COPB1: variants seen among roughly 807,000 people sequenced by gnomAD.
The protein encoded by COPB1 is coatomer subunit beta.
A neutral mutation model predicts 108.7 loss-of-function variants in COPB1; 21 were observed. That is an observed-to-expected ratio of 0.19 (90% CI 0.14 to 0.28). The LOEUF (loss-of-function observed/expected upper bound fraction) is 0.28, where lower values mean the gene tolerates loss of function less well. Among genes scored for constraint, COPB1 ranks in the 10% least tolerant of loss-of-function variants. COPB1 has a pLI of 1.00. For missense variants in COPB1, 919 were observed against 1,141.3 expected (o/e 0.81, Z 2.81); for synonymous variants, 378 against 386.8 (o/e 0.98, Z 0.27).
intron 14 of COPB1, among the ~76,000 whole-genome samples, chr11:14,471,158 A>G (rs551459659): frequency 1.3e-5 from 2 of 152,344 alleles, no homozygotes; most frequent in East Asian, 1.9e-4. Flanking sequence ...AATCTGCACT[A>G]TAAGAAAAGT....
At chr11:14,479,475 C>G in intron 11 of COPB1, 94 bp downstream of exon 11, 1 of 1,235,198 alleles carries the variant, frequency 8.1e-7, no homozygotes, top group South Asian at 1.8e-5. Flanking sequence ...GCTTGATTGT[C>G]CTCTCCATTC....
chr11:14,459,960 T>C (rs973029635), intron 20 of COPB1: 13 of 319,980 alleles, frequency 4.1e-5, no homozygotes, highest in African/African-American at 1.5e-4. Context: ...GGGGAGAAGA[T>C]TGAAAAGAAA....
At chr11:14,461,135 G>C in intron 19 of COPB1, 51 bp downstream of exon 19, 1 of 1,610,446 alleles carries the variant, frequency 6.2e-7, no homozygotes, top group African/African-American at 1.3e-5. Context: ...CTCAACAGCA[G>C]GCAAAAGGAA....
chr11:14,491,599 G>C (rs978966779), intron 4 of COPB1, among the ~76,000 whole-genome samples: 1 of 151,388 alleles, frequency 6.6e-6, no homozygotes, highest in Non-Finnish European at 1.5e-5. Flanking sequence ...AACCTGGGAG[G>C]TGGAGGCTGC....
chr11:14,474,150 C>A (rs997084539), intron 14 of COPB1: 4 of 172,592 alleles, frequency 2.3e-5, no homozygotes, highest in Admixed American at 2.3e-4. Context: ...CAGACAATGA[C>A]CGAATGGATG....
Position 14,486,300 on chromosome 11 carries a change from A to T in COPB1, c.837+67T>A, listed in dbSNP as rs1266567468. 10 of 1,568,944 alleles carry T rather than the reference A, an allele frequency of 6.4e-6. No individual in the cohort carries two copies. The East Asian group carries it at 2.2e-4, about 35-fold the overall frequency. ...TAACCACATAGTGAATTGAAATGTC[A>T]CTAAATCATGAGTGCTAAGACAGAA... is the stretch of plus-strand genomic sequence containing the variant. On this transcript the variant is annotated intron_variant, in intron 7 of 21. Coordinates refer to ENST00000439561, the MANE Select transcript of COPB1 (RefSeq NM_001144061.2).
At chr11:14,458,395 C>A in intron 21 of COPB1, 137 bp downstream of exon 21, 1 of 809,292 alleles carries the variant, frequency 1.2e-6, no homozygotes, top group African/African-American at 1.8e-5. Flanking sequence ...AGTTATACTT[C>A]TATTCAGAGT....
intron 4 of COPB1, 117 bp from the exon 5 acceptor site, chr11:14,490,796 T>G: frequency 1.7e-6 from 1 of 598,000 alleles, no homozygotes; most frequent in South Asian, 2.4e-5. Context: ...CTTTTGCTTT[T>G]TTTTTTTTTT....
At chr11:14,464,763 G>A (rs925206554) in intron 18 of COPB1, 148 bp downstream of exon 18, 4 of 861,702 alleles carry the variant, frequency 4.6e-6, no homozygotes, top group Non-Finnish European at 6.8e-6. Context: ...CCAGAACATA[G>A]TTCAATGCGT....
intron 14 of COPB1, among the ~76,000 whole-genome samples, chr11:14,473,643 C>G (rs1214847551): frequency 6.6e-6 from 1 of 151,714 alleles, no homozygotes; most frequent in Non-Finnish European, 1.5e-5. Context: ...CCTGGCATCC[C>G]AAAACAACTA....
chr11:14,491,746 G>A (rs538430030), intron 4 of COPB1, among the ~76,000 whole-genome samples: 6 of 151,204 alleles, frequency 4.0e-5, no homozygotes, highest in South Asian at 2.1e-4. Flanking sequence ...CAAATTATAC[G>A]TTTTCTAGTT....
intron 14 of COPB1, among the ~76,000 whole-genome samples, chr11:14,473,571 G>A (rs975562720): frequency 6.1e-5 from 7 of 115,424 alleles, no homozygotes; most frequent in African/African-American, 3.4e-5. Context: ...AAGAGACGGG[G>A]TAACAGCCGG....
At chr11:14,493,053 G>A (rs886456173) in intron 4 of COPB1, among the ~76,000 whole-genome samples, 1 of 152,196 alleles carries the variant, frequency 6.6e-6, no homozygotes, top group Non-Finnish European at 1.5e-5. Context: ...GGCTGAGGCA[G>A]GAGAATCACT....
chr11:14,479,306 T>C (rs1025223463), intron 11 of COPB1, among the ~76,000 whole-genome samples: 1 of 152,330 alleles, frequency 6.6e-6, no homozygotes, highest in East Asian at 1.9e-4. Context: ...TTTAAAAATA[T>C]GCTCTTTAGT....
intron 2 of COPB1, 46 bp downstream of exon 2, chr11:14,498,792 G>C: frequency 2.1e-6 from 3 of 1,455,468 alleles, no homozygotes; most frequent in Non-Finnish European, 2.8e-6. Flanking sequence ...TTTTATTTTT[G>C]TTTTTTCTTT....
At chr11:14,467,222 G>A (rs918690979) in intron 16 of COPB1, among the ~76,000 whole-genome samples, 2 of 151,748 alleles carry the variant, frequency 1.3e-5, no homozygotes, top group African/African-American at 4.8e-5. Context: ...TTAAAAATAG[G>A]CACAGGACTT....
At chr11:14,484,456 A>C (rs1850726707) in intron 7 of COPB1, among the ~76,000 whole-genome samples, 1 of 152,246 alleles carries the variant, frequency 6.6e-6, no homozygotes, top group African/African-American at 2.4e-5. Flanking sequence ...ATGGTGGCTC[A>C]TGCCTATAAT....
At chr11:14,471,177 A>AT (rs1419747673) in intron 14 of COPB1, among the ~76,000 whole-genome samples, 2 of 152,238 alleles carry the variant, frequency 1.3e-5, no homozygotes, top group Non-Finnish European at 2.9e-5. Context: ...GTTAAAGCAA[A>AT]TTCTTTAGGC....
At chr11:14,464,386 T>C (rs1178167130) in intron 18 of COPB1, among the ~76,000 whole-genome samples, 1 of 152,216 alleles carries the variant, frequency 6.6e-6, no homozygotes, top group East Asian at 1.9e-4. Context: ...ATATCTGTTT[T>C]CCCTTACTCA....
Sources: allele counts gnomAD v4.1 joint callset (sites outside exome capture counted in the v4.1 genomes callset), GRCh38; gene constraint gnomAD v4.1.1; transcripts MANE v1.5; gene names NCBI Gene and HGNC (gene_info 2026-07-23, HGNC 2026-07-21).